Variants in MARCHF8 observed in about 807,000 individuals in gnomAD.
The protein encoded by MARCHF8 is E3 ubiquitin-protein ligase MARCHF8.
In MARCHF8, 40 loss-of-function variants were observed where a neutral mutation model predicts 51.6. The observed-to-expected ratio is 0.77, with a 90% CI of 0.60 to 1.01. MARCHF8 has a LOEUF of 1.01. Among genes scored for constraint, MARCHF8 ranks in the 50% least tolerant of loss-of-function variants. The pLI is 0.00. For missense variants in MARCHF8, 685 were observed against 708.6 expected (o/e 0.97, Z 0.38); for synonymous variants, 263 against 280.3 (o/e 0.94, Z 0.62).
intron 2 of MARCHF8, among the ~76,000 whole-genome samples, chr10:45,520,711 G>A (rs2043692496): frequency 2.0e-5 from 3 of 152,170 alleles, no homozygotes; most frequent in African/African-American, 7.2e-5. Flanking sequence ...ATACCAATGT[G>A]AGATTAAAAC....
At chr10:45,530,450 T>C (rs751345578) in intron 2 of MARCHF8, among the ~76,000 whole-genome samples, 16 of 152,216 alleles carry the variant, frequency 1.1e-4, no homozygotes, top group Non-Finnish European at 4.4e-5. Flanking sequence ...ACAATTTTTC[T>C]GTAAATCTAA....
chr10:45,558,170 C>T (rs2133358152), intron 1 of MARCHF8, among the ~76,000 whole-genome samples: 1 of 152,270 alleles, frequency 6.6e-6, no homozygotes, highest in South Asian at 2.1e-4. Flanking sequence ...ACTGGGACAA[C>T]TCCAGGAAAG....
chr10:45,584,343 C>T (rs2044594262), intron 1 of MARCHF8, among the ~76,000 whole-genome samples: 1 of 151,460 alleles, frequency 6.6e-6, no homozygotes, highest in Non-Finnish European at 1.5e-5. Context: ...AGAATACATA[C>T]AGAATAAAAT....
At chr10:45,585,949 A>G (rs2044614081) in intron 1 of MARCHF8, among the ~76,000 whole-genome samples, 1 of 152,168 alleles carries the variant, frequency 6.6e-6, no homozygotes, top group South Asian at 2.1e-4. Flanking sequence ...GACATTTCCT[A>G]TGAGTATACA....
At chr10:45,495,268 C>A (rs1465821299) in intron 2 of MARCHF8, among the ~76,000 whole-genome samples, 1 of 151,876 alleles carries the variant, frequency 6.6e-6, no homozygotes, top group African/African-American at 2.4e-5. Flanking sequence ...TAGTAATAAA[C>A]CCAGTTAACA....
chr10:45,519,193 A>G (rs1455805434), intron 2 of MARCHF8, among the ~76,000 whole-genome samples: 1 of 152,248 alleles, frequency 6.6e-6, no homozygotes, highest in Non-Finnish European at 1.5e-5. Context: ...TCATGTGGAT[A>G]CCATCCCTTT....
chr10:45,482,038 A>C (rs1452778604), intron 3 of MARCHF8, among the ~76,000 whole-genome samples: 3 of 152,224 alleles, frequency 2.0e-5, no homozygotes, highest in Non-Finnish European at 2.9e-5. Flanking sequence ...CTAGCGGAGA[A>C]AGAAATCAAA....
At chr10:45,553,878 C>T (rs532655698) in intron 1 of MARCHF8, among the ~76,000 whole-genome samples, 2 of 152,072 alleles carry the variant, frequency 1.3e-5, no homozygotes, top group African/African-American at 2.4e-5. Context: ...AAATGGAATG[C>T]AGGAAAAAAA....
chr10:45,592,682 G>A (rs750756949), intron 1 of MARCHF8, among the ~76,000 whole-genome samples: 4 of 152,116 alleles, frequency 2.6e-5, no homozygotes, highest in Non-Finnish European at 5.9e-5. Context: ...AGAACCAGAC[G>A]CTACTACTGA....
chr10:45,514,481 G>T (rs1490712487), intron 2 of MARCHF8, among the ~76,000 whole-genome samples: 1 of 152,272 alleles, frequency 6.6e-6, no homozygotes, highest in Non-Finnish European at 1.5e-5. Context: ...CACATGGCTG[G>T]CTGTCGCAGC....
intron 3 of MARCHF8, among the ~76,000 whole-genome samples, chr10:45,486,090 G>A (rs748204048): frequency 1.3e-5 from 2 of 152,198 alleles, no homozygotes; most frequent in South Asian, 4.1e-4. Context: ...AACTATCTTC[G>A]TTACAAAAGG....
At chr10:45,579,366 CT>C (rs765304674) in intron 1 of MARCHF8, among the ~76,000 whole-genome samples, 117 of 142,786 alleles carry the variant, frequency 8.2e-4, no homozygotes, top group African/African-American at 6.4e-4. Context: ...ACTAGGTAAG[CT>C]TTTTTTTTTT....
chr10:45,475,896 A>T (rs1354791929), intron 3 of MARCHF8, among the ~76,000 whole-genome samples: 1 of 152,166 alleles, frequency 6.6e-6, no homozygotes, highest in Non-Finnish European at 1.5e-5. Context: ...CCCTGTCCCC[A>T]GCAAAACCTC....
intron 1 of MARCHF8, among the ~76,000 whole-genome samples, chr10:45,579,000 G>T (rs2044520982): frequency 6.6e-6 from 1 of 152,114 alleles, no homozygotes; most frequent in African/African-American, 2.4e-5. Flanking sequence ...AAACAAAAGG[G>T]CAATAAAGGA....
At chr10:45,459,652 C>T (rs751529911) in intron 6 of MARCHF8, 17 of 946,860 alleles carry the variant, frequency 1.8e-5, no homozygotes, top group African/African-American at 1.2e-4. Flanking sequence ...CTGGCATGGA[C>T]GAGCGGAAGA....
At chr10:45,498,333 T>G (rs940086185) in intron 2 of MARCHF8, among the ~76,000 whole-genome samples, 1 of 152,198 alleles carries the variant, frequency 6.6e-6, no homozygotes, top group Non-Finnish European at 1.5e-5. Context: ...GAAATATTTT[T>G]AAAAATTTTT....
chr10:45,497,211 G>C (rs2043189920), intron 2 of MARCHF8, among the ~76,000 whole-genome samples: 1 of 152,054 alleles, frequency 6.6e-6, no homozygotes, highest in Non-Finnish European at 1.5e-5. Flanking sequence ...AATTTTACTA[G>C]AGCTAAAGAG....
upstream of MARCHF8, among the ~76,000 whole-genome samples, chr10:45,535,932 G>A (rs1204603421): frequency 6.6e-6 from 1 of 152,162 alleles, no homozygotes; most frequent in African/African-American, 2.4e-5. Flanking sequence ...GGAAATGGAT[G>A]TCCATGTTCA....
intron 3 of MARCHF8, among the ~76,000 whole-genome samples, chr10:45,469,864 C>CAAAAAAAA (rs55832920): frequency 3.5e-5 from 2 of 57,036 alleles, no homozygotes; most frequent in African/African-American, 7.2e-5. Flanking sequence ...GACTCCGTCT[C>CAAAAAAAA]AAAAAAAAAA....
Sources: allele counts gnomAD v4.1 joint callset (sites outside exome capture counted in the v4.1 genomes callset), GRCh38; gene constraint gnomAD v4.1.1; transcripts MANE v1.5; gene names NCBI Gene and HGNC (gene_info 2026-07-23, HGNC 2026-07-21).